The following SRP9 variants were observed in gnomAD, a reference collection of about 807,000 sequenced individuals.
The protein encoded by SRP9 is signal recognition particle 9 kDa protein.
SRP9 carries 2 observed loss-of-function variants against 11.7 expected under a neutral mutation model. The observed-to-expected ratio is 0.17, with a 90% CI of 0.07 to 0.54. SRP9 has a LOEUF of 0.54. SRP9 is among the 20% of genes least tolerant of loss of function. The probability of loss-of-function intolerance (pLI) is 0.94; values close to 1 mark genes in which losing one functional copy is unlikely to be tolerated. For synonymous variants in SRP9, 27 were observed against 35.6 expected (o/e 0.76, Z 0.86); for missense variants, 54 against 108.1 (o/e 0.50, Z 2.22).
chr1:225,779,907 T>C lies in SRP9; in HGVS notation c.72+1895T>C, dbSNP rs113293800. 7.8e-4 allele frequency among the ~76,000 whole-genome samples: 119 copies of C among 152,270 alleles called. 2 individuals carry two copies. The highest frequency in any genetic ancestry group is 2.7e-3 in the African/African-American group (114 of 41,556). On this transcript the variant is annotated intron_variant, in intron 1 of 2. Transcript: ENST00000304786. ...GAGACAACAGTAAAGAATATATAAA[T>C]TCACATCAAGAGTAACTGTACTGTA...
chr1:225,779,454 G>T (rs1665752716), intron 1 of SRP9, among the ~76,000 whole-genome samples: 2 of 152,150 alleles, frequency 1.3e-5, no homozygotes, highest in Admixed American at 1.3e-4. Context: ...CAGGGCTCAG[G>T]ATTTACTGTG....
intron 2 of SRP9, among the ~76,000 whole-genome samples, chr1:225,788,109 T>C (rs1665952751): frequency 6.6e-6 from 1 of 152,214 alleles, no homozygotes; most frequent in Non-Finnish European, 1.5e-5. Flanking sequence ...GATGGCTTTA[T>C]GACCAACCAT....
intron 1 of SRP9, among the ~76,000 whole-genome samples, chr1:225,778,790 G>A (rs1298804164): frequency 2.0e-5 from 3 of 152,212 alleles, no homozygotes; most frequent in African/African-American, 7.2e-5. Context: ...AAGCATCTTC[G>A]TGTTAATTAA....
intron 1 of SRP9, among the ~76,000 whole-genome samples, chr1:225,782,681 A>G (rs1665823613): frequency 6.6e-6 from 1 of 152,252 alleles, no homozygotes; most frequent in Non-Finnish European, 1.5e-5. Flanking sequence ...GAACTTCAGT[A>G]TAGGAGTTAT....
intron 2 of SRP9, among the ~76,000 whole-genome samples, chr1:225,787,989 T>C (rs1665951115): frequency 6.6e-6 from 1 of 152,226 alleles, no homozygotes; most frequent in African/African-American, 2.4e-5. Flanking sequence ...GTTCCTGTTG[T>C]TTAAAACTCA....
chr1:225,782,853 G>A (rs565030430), intron 1 of SRP9, among the ~76,000 whole-genome samples: 1 of 152,316 alleles, frequency 6.6e-6, no homozygotes, highest in South Asian at 2.1e-4. Context: ...AGTGTGAGTT[G>A]CACTGACCTG....
rs199740826 is a variant in SRP9 at position 225,778,030 on chromosome 1, C to T, written c.72+18C>T. The T allele has an allele frequency of 6.2e-7, 1 of 1,613,978 alleles. No homozygotes were observed. Among genetic ancestry groups the T allele is most frequent in the East Asian group, 2.2e-5 (1 of 44,882 alleles). On this transcript the variant is annotated intron_variant, in intron 1 of 2. Transcript: ENST00000304786. ...CTATGAAGGTAAATCGCTGGCGGGGCCGCTGCTTTGGGCCCCAGCCCAGGA... is the reference window on the plus strand; with the variant it reads ...CTATGAAGGTAAATCGCTGGCGGGGTCGCTGCTTTGGGCCCCAGCCCAGGA...
chr1:225,779,107 C>G (rs534190026), intron 1 of SRP9, among the ~76,000 whole-genome samples: 11 of 149,564 alleles, frequency 7.4e-5, no homozygotes, highest in Non-Finnish European at 3.0e-5. Flanking sequence ...GATAAAATCT[C>G]GGAAAACCGG....
In SRP9 at chr1:225,777,853, G is replaced by C. The variant is rs1279552773; in HGVS notation, c.-88G>C. The C allele has an allele frequency of 6.8e-6, 9 of 1,318,092 alleles. No individual in the cohort carries two copies. Among genetic ancestry groups the C allele is most frequent in the Non-Finnish European group, 7.5e-6 (7 of 930,738 alleles). The allele number at this position is 1,318,092 out of a possible 1,614,324, so 81.6% of individuals were successfully genotyped here. On this transcript the variant is annotated 5_prime_UTR_variant, in exon 1 of 3. Coordinates refer to ENST00000304786, the MANE Select transcript of SRP9 (RefSeq NM_003133.6). ...CGCCATCTTGGGGCTGCTGGGACTC[G>C]CGTCGGTTGGCGACTCCCGGACGTA...
Position 225,790,076 on chromosome 1 carries a change from A to G in SRP9, c.*717A>G, listed in dbSNP as rs1665997285. The stretch of plus-strand genomic sequence containing the variant: ...ATGATCACTGTGCTATAATGTACTG[A>G]AACCACCATATTACAGAAATATTTA... On this transcript the variant is annotated 3_prime_UTR_variant, in exon 3 of 3. Transcript: ENST00000304786. 2 of 152,202 alleles carry G rather than the reference A, an allele frequency of 1.3e-5. No individual in the cohort carries two copies. Among genetic ancestry groups the G allele is most frequent in the South Asian group, 4.1e-4 (2 of 4,830 alleles). The allele number at this position is 152,202 out of a possible 1,614,324, so 9.4% of individuals were successfully genotyped here. A position where few individuals can be genotyped will look rare whatever the true frequency, so the allele number is the denominator to read the frequency against.
In SRP9 at chr1:225,779,938, G is replaced by A. The variant is rs891440123; in HGVS notation, c.72+1926G>A. Among the ~76,000 whole-genome samples the A allele has an allele frequency of 3.9e-5, 6 of 152,234 alleles. No individual in the cohort carries two copies. In the South Asian group the frequency reaches 1.2e-3, roughly 31 times the overall value. On this transcript the variant is annotated intron_variant, in intron 1 of 2. Coordinates refer to ENST00000304786, the MANE Select transcript of SRP9 (RefSeq NM_003133.6). ...TCAAGAGTAACTGTACTGTAAGAAT[G>A]TGATGGCAGTGGTAGGGAAAATGAA...
intron 2 of SRP9, among the ~76,000 whole-genome samples, chr1:225,788,872 T>A (rs1326452272): frequency 6.6e-6 from 1 of 152,218 alleles, no homozygotes; most frequent in Non-Finnish European, 1.5e-5. Flanking sequence ...CAGTTACTTA[T>A]GGCTGGGAGA....
At chr1:225,779,045 G>T (rs1665743136) in intron 1 of SRP9, among the ~76,000 whole-genome samples, 1 of 151,978 alleles carries the variant, frequency 6.6e-6, no homozygotes, top group African/African-American at 2.4e-5. Context: ...GGGTATTATA[G>T]ATCCAGTGTA....
chr1:225,780,767 A>G (rs1305072949), intron 1 of SRP9, among the ~76,000 whole-genome samples: 2 of 152,194 alleles, frequency 1.3e-5, no homozygotes, highest in Non-Finnish European at 2.9e-5. Flanking sequence ...TCCGCAACAC[A>G]TTTAACCTGT....
At chr1:225,778,066 C>A in intron 1 of SRP9, 54 bp downstream of exon 1, 1 of 1,594,656 alleles carries the variant, frequency 6.3e-7, no homozygotes, top group Non-Finnish European at 8.6e-7. Flanking sequence ...TGTCTTCCCG[C>A]CATCCACTCG....
chr1:225,782,566 T>A (rs556845791), intron 1 of SRP9, among the ~76,000 whole-genome samples: 3 of 152,228 alleles, frequency 2.0e-5, no homozygotes, highest in Admixed American at 2.0e-4. Context: ...TGAAAAAAAA[T>A]AATGTTCGTG....
intron 2 of SRP9, among the ~76,000 whole-genome samples, chr1:225,788,574 C>G (rs887710593): frequency 4.6e-5 from 7 of 152,062 alleles, no homozygotes; most frequent in African/African-American, 7.2e-5. Flanking sequence ...CGCCACCACG[C>G]CCAGCTAATT....
chr1:225,788,837 CTG>C (rs1413013953), intron 2 of SRP9, among the ~76,000 whole-genome samples: 1 of 152,076 alleles, frequency 6.6e-6, no homozygotes, highest in Non-Finnish European at 1.5e-5. Flanking sequence ...CTTAAGATTT[CTG>C]TGTTTTTTTT....
chr1:225,789,333 C>A lies in SRP9; in HGVS notation c.235C>A (p.Arg79Ser). 1 of 1,603,364 alleles carries A rather than the reference C, an allele frequency of 6.2e-7. No individual in the cohort carries two copies. The highest frequency in any genetic ancestry group is 1.1e-5 in the South Asian group (1 of 89,560). Reference sequence around the variant, plus strand: ...GCGACTTATGGTAGCCAAGGAAGCCCGCAATGTTACCATGGAAACTGAGTG... The same window carrying A: ...GCGACTTATGGTAGCCAAGGAAGCCAGCAATGTTACCATGGAAACTGAGTG... ...LMRLMVAKEA[R>S]NVTMETE The change falls in exon 3 of 3, where the codon CGC becomes AGC. Residue 79 changes from arginine (R) to serine (S), a missense_variant. Coordinates refer to ENST00000304786, the MANE Select transcript of SRP9 (RefSeq NM_003133.6).
Sources: gnomAD v4.1 joint callset for allele counts (sites outside exome capture counted in the v4.1 genomes callset) on GRCh38, gnomAD v4.1.1 for gene constraint, MANE v1.5 for transcripts, NCBI Gene and HGNC (gene_info 2026-07-23, HGNC 2026-07-21) for gene names.